NTRK2: variants seen among roughly 807,000 people sequenced by gnomAD.
NTRK2 encodes the protein neurotrophic receptor tyrosine kinase 2.
In NTRK2, 13 loss-of-function variants were observed where a neutral mutation model predicts 94.5. The observed-to-expected ratio is 0.14, with a 90% CI of 0.09 to 0.22. The LOEUF (loss-of-function observed/expected upper bound fraction) is 0.22, where lower values mean the gene tolerates loss of function less well. NTRK2 is among the 10% of genes least tolerant of loss of function. The probability of loss-of-function intolerance (pLI) is 1.00; values close to 1 mark genes in which losing one functional copy is unlikely to be tolerated. For missense variants in NTRK2, 639 were observed against 1,071.2 expected, an observed-to-expected ratio of 0.60 and a Z score of 5.63; for synonymous variants, 372 against 407.4, an observed-to-expected ratio of 0.91 and a Z score of 1.05.
chr9:84,863,799 G>C (rs1456178599), intron 13 of NTRK2, among the ~76,000 whole-genome samples: 1 of 152,168 alleles, frequency 6.6e-6, no homozygotes, highest in East Asian at 1.9e-4. Context: ...GAATTGTTGA[G>C]GTTTATGTGT....
chr9:84,995,870 G>A (rs1303779903), intron 17 of NTRK2, among the ~76,000 whole-genome samples: 1 of 152,142 alleles, frequency 6.6e-6, no homozygotes, highest in Non-Finnish European at 1.5e-5. Context: ...TTGTCTAAAG[G>A]TAATTAACCA....
intron 17 of NTRK2, among the ~76,000 whole-genome samples, chr9:85,004,196 T>C (rs1360064157): frequency 2.1e-5 from 3 of 142,278 alleles, no homozygotes; most frequent in Non-Finnish European, 4.7e-5. Context: ...ATTTAGTCCT[T>C]GGGCCAGCAG....
At chr9:84,876,271 T>C in intron 14 of NTRK2, 2 of 1,044,586 alleles carry the variant, frequency 1.9e-6, no homozygotes, top group Non-Finnish European at 2.3e-6. Context: ...ACAGCTAGTC[T>C]CCACTTTAGG....
At chr9:84,702,797 G>A (rs1293857517) in intron 4 of NTRK2, among the ~76,000 whole-genome samples, 2 of 152,166 alleles carry the variant, frequency 1.3e-5, no homozygotes, top group Non-Finnish European at 2.9e-5. Context: ...ACTTGGCCTT[G>A]GCCTTTATAG....
chr9:84,807,849 G>A (rs1297728688), intron 12 of NTRK2, among the ~76,000 whole-genome samples: 1 of 152,162 alleles, frequency 6.6e-6, no homozygotes, highest in Non-Finnish European at 1.5e-5. Context: ...TTTTCAATAT[G>A]TAGTGAAATA....
At chr9:84,812,966 C>T in intron 12 of NTRK2, 1 of 1,033,274 alleles carries the variant, frequency 9.7e-7, no homozygotes, top group Non-Finnish European at 1.2e-6. Flanking sequence ...TTTTTTTAAT[C>T]CCTGAAGGGA....
intron 4 of NTRK2, among the ~76,000 whole-genome samples, chr9:84,706,405 T>C (rs1205378035): frequency 6.6e-6 from 1 of 152,060 alleles, no homozygotes. Flanking sequence ...ACTGTGTGAC[T>C]GATCAAACAC....
rs542024590 is a variant in NTRK2 at position 84,816,108 on chromosome 9, A to G, written c.1397-44932A>G. 7.2e-5 allele frequency among the ~76,000 whole-genome samples: 11 copies of G among 152,298 alleles called. No homozygotes were observed. In the South Asian group the frequency reaches 2.3e-3, roughly 32 times the overall value. On this transcript the variant is annotated intron_variant, in intron 12 of 18. Coordinates refer to ENST00000277120, the MANE Select transcript of NTRK2 (RefSeq NM_006180.6). ...AGGTCACAATAAGAGAGTATACTCA[A>G]TGCTCTGTTTCTCTATTCTAAATGA...
intron 2 of NTRK2, among the ~76,000 whole-genome samples, chr9:84,686,016 C>T (rs2059692714): frequency 6.6e-6 from 1 of 152,222 alleles, no homozygotes. Flanking sequence ...CACTCATGAG[C>T]ACCTTCTCCC....
chr9:84,853,507 A>C (rs2074889924), intron 12 of NTRK2, among the ~76,000 whole-genome samples: 1 of 152,240 alleles, frequency 6.6e-6, no homozygotes, highest in African/African-American at 2.4e-5. Flanking sequence ...TTTGCAAAAT[A>C]CATAATGGTT....
intron 17 of NTRK2, among the ~76,000 whole-genome samples, chr9:84,976,220 G>C (rs1826843330): frequency 6.6e-6 from 1 of 152,214 alleles, no homozygotes; most frequent in Non-Finnish European, 1.5e-5. Context: ...CAGAGTGCCA[G>C]CATGGTTGGG....
chr9:84,858,770 A>G (rs1348451011), intron 12 of NTRK2, among the ~76,000 whole-genome samples: 1 of 152,022 alleles, frequency 6.6e-6, no homozygotes, highest in Non-Finnish European at 1.5e-5. Context: ...ATGAATAACT[A>G]CTTAGTGTTT....
At chr9:84,935,197 A>T (rs2078175019) in intron 15 of NTRK2, among the ~76,000 whole-genome samples, 1 of 151,492 alleles carries the variant, frequency 6.6e-6, no homozygotes, top group African/African-American at 2.4e-5. Context: ...ATATAAGATT[A>T]TTGAGTTTTT....
chr9:84,947,323 C>G (rs1218626795), intron 15 of NTRK2, among the ~76,000 whole-genome samples: 2 of 152,166 alleles, frequency 1.3e-5, no homozygotes, highest in Non-Finnish European at 2.9e-5. Context: ...GATAATCTCT[C>G]CACCTCAAGA....
rs556459071 is a variant in NTRK2, at chr9:84,709,694, A to G, written c.429-943A>G. 3.3e-5 allele frequency among the ~76,000 whole-genome samples: 5 copies of G among 152,298 alleles called. No homozygotes were observed. The East Asian group carries it at 5.8e-4, about 18-fold the overall frequency. On this transcript the variant is annotated intron_variant, in intron 5 of 18. Transcript: ENST00000277120. ...GTTAATGCCAGGCAGAGTCTATGTA[A>G]CGATTTTAAATGGCCTCATTTAAAG...
intron 17 of NTRK2, among the ~76,000 whole-genome samples, chr9:85,005,800 A>G (rs1406290754): frequency 6.6e-6 from 1 of 152,110 alleles, no homozygotes; most frequent in African/African-American, 2.4e-5. Flanking sequence ...GCTATCACCT[A>G]CTCAGAAAAG....
At chr9:84,943,537 G>A (rs149272033) in intron 15 of NTRK2, among the ~76,000 whole-genome samples, 2 of 152,236 alleles carry the variant, frequency 1.3e-5, no homozygotes, top group East Asian at 3.9e-4. Context: ...TGGGGTGTCA[G>A]GAAATTCACC....
At chr9:84,943,730 C>A (rs1235615596) in intron 15 of NTRK2, among the ~76,000 whole-genome samples, 1 of 152,126 alleles carries the variant, frequency 6.6e-6, no homozygotes, top group Non-Finnish European at 1.5e-5. Flanking sequence ...ACCAGCCAAG[C>A]CTTGCATAAT....
At chr9:84,904,991 G>T (rs2077030812) in intron 14 of NTRK2, among the ~76,000 whole-genome samples, 1 of 152,072 alleles carries the variant, frequency 6.6e-6, no homozygotes, top group Admixed American at 6.6e-5. Context: ...AAGGAGAAAA[G>T]AAAAATGAAT....
Sources: gnomAD v4.1 joint callset for allele counts (sites outside exome capture counted in the v4.1 genomes callset) on GRCh38, gnomAD v4.1.1 for gene constraint, MANE v1.5 for transcripts, NCBI Gene and HGNC (gene_info 2026-07-23, HGNC 2026-07-21) for gene names.